The following SAT1 variants were observed in gnomAD, a reference collection of about 807,000 sequenced individuals.
SAT1 encodes diamine acetyltransferase 1.
SAT1 carries 1 observed loss-of-function variant against 14.7 expected under a neutral mutation model. That is an observed-to-expected ratio of 0.07 (90% CI 0.02 to 0.32). The LOEUF is 0.32. Among genes scored for constraint, SAT1 ranks in the 10% least tolerant of loss-of-function variants. The pLI, the probability that SAT1 is intolerant of heterozygous loss-of-function variation, is 1.00. For synonymous variants in SAT1, 67 were observed against 46.1 expected (o/e 1.45, Z -1.84); for missense variants, 77 against 129.1 (o/e 0.60, Z 1.96).
Position 23,783,299 on chromosome X carries a change from C to T in SAT1, c.-53C>T, listed in dbSNP as rs1242053931. On this transcript the variant is annotated 5_prime_UTR_variant, in exon 1 of 6. Transcript: ENST00000379270. ...ACGAATGAGGAACCACCTCCTCCTACTGTTCAAGTACAGGGGCCTGGTCCG... is the reference window on the plus strand; with the variant it reads ...ACGAATGAGGAACCACCTCCTCCTATTGTTCAAGTACAGGGGCCTGGTCCG... 30 of 1,110,040 alleles carry T rather than the reference C, an allele frequency of 2.7e-5. No individual in the cohort carries two copies. The highest frequency in any genetic ancestry group is 3.6e-5 in the Non-Finnish European group (29 of 805,205). 91.5% of individuals were successfully genotyped at this position (1,110,040 alleles called of 1,213,427 possible). A position where few individuals can be genotyped will look rare whatever the true frequency, so the allele number is the denominator to read the frequency against.
intron 3 of SAT1, chrX:23,784,962 A>G (rs1601856543): frequency 1.0e-5 from 2 of 190,921 alleles, no homozygotes; most frequent in South Asian, 2.2e-4. Flanking sequence ...GTATACCAAT[A>G]GGATGTGAAT....
intron 3 of SAT1, chrX:23,785,034 C>G (rs73625179): frequency 3.0e-6 from 1 of 329,370 alleles, no homozygotes; most frequent in Non-Finnish European, 5.3e-6. Context: ...AAAGCGTTCT[C>G]GCTTCCTGAG....
At chrX:23,784,012 G>A (rs1404841550) in intron 3 of SAT1, 129 bp downstream of exon 3, 6 of 1,164,111 alleles carry the variant, frequency 5.2e-6, no homozygotes. Flanking sequence ...TAGCCAGCAA[G>A]TGTTCAAACT....
At chrX:23,783,778 C>G (rs753558693) in intron 2 of SAT1, 22 bp from the exon 3 acceptor site, 2 of 1,211,243 alleles carry the variant, frequency 1.7e-6, no homozygotes, top group East Asian at 3.0e-5. Flanking sequence ...GCCATTACCG[C>G]CCCTGCTCCC....
At chrX:23,785,271 T>G in intron 3 of SAT1, 57 bp from the exon 4 acceptor site, 1 of 920,321 alleles carries the variant, frequency 1.1e-6, no homozygotes, top group Admixed American at 2.2e-5. Context: ...ATTCTGCAGC[T>G]GCAACTTTTA....
chrX:23,785,618 G>A (rs1215702243), intron 5 of SAT1, 58 bp downstream of exon 5: 1 of 1,181,611 alleles, frequency 8.5e-7, no homozygotes, highest in African/African-American at 1.8e-5. Flanking sequence ...TTTAATGATG[G>A]AATAAAAATT....
At chrX:23,783,577 C>CCCCAAACCCAA in intron 1 of SAT1, 81 bp from the exon 2 acceptor site, 2 of 750,197 alleles carry the variant, frequency 2.7e-6, no homozygotes, top group Non-Finnish European at 3.9e-6. Context: ...GCCCGCCCGC[C>CCCCAAACCCAA]CCATTCCGTT....
chrX:23,785,857 G>A lies in SAT1; in HGVS notation c.*1G>A. 1 of 1,179,777 alleles carries A rather than the reference G, an allele frequency of 8.5e-7. No homozygotes were observed. The highest frequency in any genetic ancestry group is 2.4e-4 in the Middle Eastern group (1 of 4,230). The stretch of plus-strand genomic sequence containing the variant: ...GCTAAAAATGGCAACAGAGGAGTGA[G>A]GAGTGCTGCTGTAGATGACAACCTC... On this transcript the variant is annotated 3_prime_UTR_variant, in exon 6 of 6. Transcript: ENST00000379270.
chrX:23,785,097 C>T (rs1922668313), intron 3 of SAT1: 1 of 412,945 alleles, frequency 2.4e-6, no homozygotes, highest in Non-Finnish European at 4.2e-6. Context: ...AGCCTGACTT[C>T]AGTGAGTTCT....
intron 3 of SAT1, chrX:23,785,089 C>A (rs1220692715): frequency 1.5e-5 from 6 of 409,046 alleles, no homozygotes; most frequent in Non-Finnish European, 2.6e-5. Flanking sequence ...ACAGTTGTAG[C>A]CTGACTTCAG....
chrX:23,784,367 C>G (rs1922635026), intron 3 of SAT1: 1 of 777,772 alleles, frequency 1.3e-6, no homozygotes, highest in African/African-American at 2.3e-5. Flanking sequence ...ACTAAAAGAT[C>G]CTTTACACAA....
At chrX:23,784,599 T>C (rs1225412127) in intron 3 of SAT1, among the ~76,000 whole-genome samples, 1 of 81,240 alleles carries the variant, frequency 1.2e-5, no homozygotes, top group Non-Finnish European at 2.3e-5. Flanking sequence ...GGCTGGTCCC[T>C]GTTGATTGGT....
chrX:23,783,765 A>G, intron 2 of SAT1, 35 bp from the exon 3 acceptor site: 4 of 1,211,030 alleles, frequency 3.3e-6, no homozygotes, highest in African/African-American at 1.7e-5. Context: ...CACCTTCGCC[A>G]AGGCCATTAC....
intron 3 of SAT1, chrX:23,784,139 A>G (rs1922625887): frequency 9.7e-7 from 1 of 1,032,830 alleles, no homozygotes; most frequent in East Asian, 3.5e-5. Flanking sequence ...AAGCTGCTTA[A>G]GTAAGTATAA....
Position 23,785,226 on chromosome X carries a change from C to T in SAT1, c.203-102C>T, listed in dbSNP as rs1922672735. On this transcript the variant is annotated intron_variant, in intron 3 of 5. Coordinates refer to ENST00000379270, the MANE Select transcript of SAT1 (RefSeq NM_002970.4). ...TGGCTACTTGTTTCTGTAATACATG[C>T]ATGTGTGTTTTTTAAAACCTATGAT... The T allele has an allele frequency of 1.0e-5, 6 of 599,110 alleles. No individual in the cohort carries two copies. The East Asian group carries it at 1.9e-4, about 19-fold the overall frequency. 49.4% of individuals were successfully genotyped at this position (599,110 alleles called of 1,213,427 possible).
chrX:23,784,434 C>T (rs1922636426), intron 3 of SAT1: 2 of 429,635 alleles, frequency 4.7e-6, no homozygotes, highest in Non-Finnish European at 5.9e-6. Flanking sequence ...ACTTCAAACA[C>T]GGTAGATCAG....
rs1343074926 is a variant in SAT1, at chrX:23,783,245, C to T, written c.-107C>T. On this transcript the variant is annotated 5_prime_UTR_variant, in exon 1 of 6. Coordinates refer to ENST00000379270, the MANE Select transcript of SAT1 (RefSeq NM_002970.4). The stretch of plus-strand genomic sequence containing the variant: ...GAGGTTCCTTGGGTCATGGTGCCAG[C>T]CTGACTGAGAAGAGGACGCTCCCGG... 9.3e-6 allele frequency: 7 copies of T among 751,965 alleles called. No individual in the cohort carries two copies. Among genetic ancestry groups the T allele is most frequent in the African/African-American group, 2.0e-5 (1 of 49,118 alleles). 62.0% of individuals were successfully genotyped at this position (751,965 alleles called of 1,213,427 possible). A position where few individuals can be genotyped will look rare whatever the true frequency, so the allele number is the denominator to read the frequency against.
intron 3 of SAT1, chrX:23,785,075 G>T (rs188735170): frequency 1.0e-5 from 4 of 389,622 alleles, no homozygotes; most frequent in Non-Finnish European, 1.3e-5. Flanking sequence ...AGAGTGGCCA[G>T]TCCACAGTTG....
intron 3 of SAT1, chrX:23,784,932 A>G (rs902559821): frequency 4.1e-5 from 6 of 144,625 alleles, no homozygotes; most frequent in African/African-American, 1.6e-4. Context: ...AACCTGACGT[A>G]TTCCCAAGTC....
Sources: gnomAD v4.1 joint callset for allele counts (sites outside exome capture counted in the v4.1 genomes callset) on GRCh38, gnomAD v4.1.1 for gene constraint, MANE v1.5 for transcripts, NCBI Gene and HGNC (gene_info 2026-07-23, HGNC 2026-07-21) for gene names.